RHEB: variants seen among roughly 807,000 people sequenced by gnomAD.
RHEB encodes the protein GTP-binding protein Rheb.
RHEB carries 2 observed loss-of-function variants against 28.8 expected under a neutral mutation model. The ratio of observed to expected loss-of-function variants is 0.07; its 90% CI spans 0.03 to 0.22. RHEB has a LOEUF of 0.22. Among genes scored for constraint, RHEB ranks in the 10% least tolerant of loss-of-function variants. The pLI, the probability that RHEB is intolerant of heterozygous loss-of-function variation, is 1.00. For synonymous variants in RHEB, 69 were observed against 77.3 expected, an observed-to-expected ratio of 0.89 and a Z score of 0.56; for missense variants, 76 against 219.9, an observed-to-expected ratio of 0.35 and a Z score of 4.14.
chr7:151,492,477 C>T (rs1440606795), intron 1 of RHEB, among the ~76,000 whole-genome samples: 3 of 151,746 alleles, frequency 2.0e-5, no homozygotes, highest in Non-Finnish European at 2.9e-5. Context: ...GTTACCCAAG[C>T]GTGGTGATGG....
At chr7:151,498,238 G>T in intron 1 of RHEB, 2 of 945,800 alleles carry the variant, frequency 2.1e-6, no homozygotes, top group South Asian at 2.7e-5. Flanking sequence ...TTAAGGAAGA[G>T]GAAGAGAAGC....
At chr7:151,490,578 G>A (rs1376575729) in intron 2 of RHEB, among the ~76,000 whole-genome samples, 1 of 152,178 alleles carries the variant, frequency 6.6e-6, no homozygotes, top group Non-Finnish European at 1.5e-5. Context: ...CAGGGATCTC[G>A]AGTGTTTTTC....
At chr7:151,498,092 A>C in intron 1 of RHEB, 1 of 1,287,906 alleles carries the variant, frequency 7.8e-7, no homozygotes, top group Non-Finnish European at 1.0e-6. Flanking sequence ...TACTCACCTA[A>C]ATTAAATGTG....
intron 1 of RHEB, among the ~76,000 whole-genome samples, chr7:151,510,357 C>A (rs1802960190): frequency 6.6e-6 from 1 of 152,184 alleles, no homozygotes; most frequent in Non-Finnish European, 1.5e-5. Flanking sequence ...CTGGCTTTGT[C>A]ACTTAACAAC....
chr7:151,512,409 A>G (rs1481910100), intron 1 of RHEB, among the ~76,000 whole-genome samples: 2 of 152,208 alleles, frequency 1.3e-5, no homozygotes, highest in African/African-American at 2.4e-5. Flanking sequence ...TATTATTAGT[A>G]TATGGGTCTC....
At chr7:151,510,533 C>G (rs887992150) in intron 1 of RHEB, among the ~76,000 whole-genome samples, 2 of 152,202 alleles carry the variant, frequency 1.3e-5, no homozygotes, top group African/African-American at 4.8e-5. Context: ...AATTATTATT[C>G]TCAGTAGCAG....
intron 7 of RHEB, 95 bp downstream of exon 7, chr7:151,470,476 A>C (rs1455447888): frequency 1.3e-6 from 1 of 758,584 alleles, no homozygotes; most frequent in Non-Finnish European, 2.3e-6. Flanking sequence ...GTTACACAGG[A>C]GTGATCAAGA....
At chr7:151,473,854 CTG>C (rs1237927280) in intron 4 of RHEB, among the ~76,000 whole-genome samples, 1 of 152,218 alleles carries the variant, frequency 6.6e-6, no homozygotes, top group East Asian at 1.9e-4. Flanking sequence ...AAGTTGAATA[CTG>C]TGAGTTGATC....
In RHEB at chr7:151,477,323, G is replaced by A. The variant is rs1325397237; in HGVS notation, c.275+10C>T. ...AGCAAATCAACTCAAGCAGGCAGCA[G>A]GAGTCTTACCTTTTGATTGATGTAA... On this transcript the variant is annotated intron_variant, in intron 4 of 7. Transcript: ENST00000262187. 42 of 1,496,072 alleles carry A rather than the reference G, an allele frequency of 2.8e-5. No individual in the cohort carries two copies. The highest frequency in any genetic ancestry group is 6.8e-5 in the Admixed American group (4 of 58,854). The allele number at this position is 1,496,072 out of a possible 1,614,324, so 92.7% of individuals were successfully genotyped here. A position where few individuals can be genotyped will look rare whatever the true frequency, so the allele number is the denominator to read the frequency against.
intron 2 of RHEB, among the ~76,000 whole-genome samples, chr7:151,487,571 G>C (rs1367938751): frequency 6.6e-6 from 1 of 151,838 alleles, no homozygotes; most frequent in African/African-American, 2.4e-5. Context: ...CATGTAAAAA[G>C]AATGTAACTT....
chr7:151,488,174 G>A (rs1442130361), intron 2 of RHEB, among the ~76,000 whole-genome samples: 1 of 152,188 alleles, frequency 6.6e-6, no homozygotes, highest in East Asian at 1.9e-4. Context: ...GTATTGAGTT[G>A]TTAGATTAAC....
chr7:151,489,615 G>A (rs1802543340), intron 2 of RHEB, among the ~76,000 whole-genome samples: 1 of 152,192 alleles, frequency 6.6e-6, no homozygotes, highest in Non-Finnish European at 1.5e-5. Context: ...AAATATTTTA[G>A]GCTTTGTAGG....
chr7:151,496,032 T>C (rs1372140987), intron 1 of RHEB, among the ~76,000 whole-genome samples: 1 of 152,214 alleles, frequency 6.6e-6, no homozygotes, highest in Non-Finnish European at 1.5e-5. Context: ...TTTCAATCTA[T>C]TAACTAGTCT....
chr7:151,511,976 A>G (rs1454932093), intron 1 of RHEB, among the ~76,000 whole-genome samples: 1 of 152,244 alleles, frequency 6.6e-6, no homozygotes, highest in East Asian at 1.9e-4. Flanking sequence ...TCAATCCAGC[A>G]ATTCATGTTA....
chr7:151,467,355 G>GC (rs949830614), intron 7 of RHEB, 144 bp from the exon 8 acceptor site: 11 of 636,360 alleles, frequency 1.7e-5, no homozygotes, highest in East Asian at 8.3e-5. Context: ...GAACTTCAGG[G>GC]CCCCCCGACG....
intron 1 of RHEB, among the ~76,000 whole-genome samples, chr7:151,515,711 A>G (rs945062725): frequency 6.6e-6 from 1 of 152,222 alleles, no homozygotes; most frequent in Non-Finnish European, 1.5e-5. Flanking sequence ...AATAAACAGT[A>G]AGTCAGAATC....
intron 3 of RHEB, among the ~76,000 whole-genome samples, chr7:151,483,193 C>T (rs1000854206): frequency 6.6e-6 from 1 of 152,206 alleles, no homozygotes; most frequent in Non-Finnish European, 1.5e-5. Context: ...TCCTCCAATG[C>T]TAACATCACT....
At chr7:151,467,665 G>A (rs1432808453) in intron 7 of RHEB, among the ~76,000 whole-genome samples, 1 of 152,116 alleles carries the variant, frequency 6.6e-6, no homozygotes, top group African/African-American at 2.4e-5. Context: ...CACCCTCCGT[G>A]CTCCTGAGAT....
intron 1 of RHEB, among the ~76,000 whole-genome samples, chr7:151,503,860 G>T (rs1177650155): frequency 2.0e-5 from 3 of 151,974 alleles, no homozygotes; most frequent in Admixed American, 6.6e-5. Flanking sequence ...GATCATACTG[G>T]TTTTTTTCTT....
Sources: gnomAD v4.1 joint callset for allele counts (sites outside exome capture counted in the v4.1 genomes callset) on GRCh38, gnomAD v4.1.1 for gene constraint, MANE v1.5 for transcripts, NCBI Gene and HGNC (gene_info 2026-07-23, HGNC 2026-07-21) for gene names.